SMAD2: variants seen among roughly 807,000 people sequenced by gnomAD.
SMAD2 encodes the protein SMAD family member 2.
SMAD2 carries 8 observed loss-of-function variants against 64.4 expected under a neutral mutation model. The observed-to-expected ratio is 0.12, with a 90% confidence interval of 0.07 to 0.22. The LOEUF is 0.22. Among genes scored for constraint, SMAD2 ranks in the 10% least tolerant of loss-of-function variants. The probability of loss-of-function intolerance (pLI) is 1.00; values close to 1 mark genes in which losing one functional copy is unlikely to be tolerated. For synonymous variants in SMAD2, 203 were observed against 195.8 expected, an observed-to-expected ratio of 1.04 and a Z score of -0.31; for missense variants, 289 against 561.2, an observed-to-expected ratio of 0.51 and a Z score of 4.90.
At chr18:47,883,932 G>A (rs2032750937) in intron 2 of SMAD2, among the ~76,000 whole-genome samples, 1 of 152,096 alleles carries the variant, frequency 6.6e-6, no homozygotes, top group South Asian at 2.1e-4. Flanking sequence ...CCTCGAATCT[G>A]GGCAAGCTGG....
intron 1 of SMAD2, among the ~76,000 whole-genome samples, chr18:47,915,149 G>T (rs1255256270): frequency 2.0e-5 from 3 of 152,088 alleles, no homozygotes; most frequent in African/African-American, 7.2e-5. Context: ...TCAGACATAA[G>T]AAATAAGATA....
At chr18:47,850,615 TTATATATTATA>T (rs1311577346) in intron 7 of SMAD2, among the ~76,000 whole-genome samples, 540 of 32,960 alleles carry the variant, frequency 0.016, 8 homozygotes, top group Non-Finnish European at 0.019. Context: ...ATAATATATA[TTATATATTATA>T]TATATATTAT....
intron 6 of SMAD2, among the ~76,000 whole-genome samples, chr18:47,854,193 A>T (rs151294995): frequency 1.3e-5 from 2 of 152,252 alleles, no homozygotes; most frequent in Admixed American, 1.3e-4. Flanking sequence ...TCCACTTAGA[A>T]TATTATAAAT....
chr18:47,930,433 T>A lies in SMAD2; in HGVS notation c.-126A>T, dbSNP rs190123098. The A allele has an allele frequency of 6.6e-6, 1 of 151,016 alleles. No individual in the cohort carries two copies. Among genetic ancestry groups the A allele is most frequent in the Admixed American group, 6.6e-5 (1 of 15,232 alleles). The allele number at this position is 151,016 out of a possible 1,614,324, so 9.4% of individuals were successfully genotyped here. A position where few individuals can be genotyped will look rare whatever the true frequency, so the allele number is the denominator to read the frequency against. On this transcript the variant is annotated 5_prime_UTR_variant, in exon 1 of 11. Transcript: ENST00000262160. ...GACCTTTTGTTCCTTCCTCTTCCGATGGGATGGAGGGGGCTGGGAGGGGAA... is the reference window on the plus strand; with the variant it reads ...GACCTTTTGTTCCTTCCTCTTCCGAAGGGATGGAGGGGGCTGGGAGGGGAA...
intron 1 of SMAD2, among the ~76,000 whole-genome samples, chr18:47,928,479 A>T (rs146202784): frequency 1.7e-4 from 26 of 152,374 alleles, no homozygotes; most frequent in African/African-American, 6.3e-4. Flanking sequence ...ATCTTGAAGT[A>T]GAATAGAAAC....
rs774277040 is a variant in SMAD2, at chr18:47,812,715, G to A, written c.*29112C>T. 2 of 152,130 alleles carry A rather than the reference G, an allele frequency of 1.3e-5. No individual in the cohort carries two copies. Among genetic ancestry groups the A allele is most frequent in the African/African-American group, 2.4e-5 (1 of 41,402 alleles). 9.4% of individuals were successfully genotyped at this position (152,130 alleles called of 1,614,324 possible). On this transcript the variant is annotated 3_prime_UTR_variant, in exon 11 of 11. Transcript: ENST00000262160. ...ATCAGAGCTCATAACTTAAGTGGTG[G>A]TAATCAAATCTAAAGCACATTTTAT...
Position 47,910,467 on chromosome 18 carries a change from A to C in SMAD2, c.-53-13658T>G, listed in dbSNP as rs1410050905. Among the ~76,000 whole-genome samples the C allele has an allele frequency of 3.3e-5, 5 of 152,250 alleles. No individual in the cohort carries two copies. The East Asian group carries it at 9.6e-4, about 29-fold the overall frequency. On this transcript the variant is annotated intron_variant, in intron 1 of 10. Coordinates refer to ENST00000262160, the MANE Select transcript of SMAD2 (RefSeq NM_005901.6). ...TCCATTACATGGGCACTGAAACTAA[A>C]GCAAAAGGTGTAAGGAGGACTGGTA... is the stretch of plus-strand genomic sequence containing the variant.
In SMAD2 at chr18:47,824,117, A is replaced by G. The variant is rs1169129259; in HGVS notation, c.*17710T>C. On this transcript the variant is annotated 3_prime_UTR_variant, in exon 11 of 11. Transcript: ENST00000262160. ...CCGGGAAAGGTCTATTCTGTCACCA[A>G]GGGACAATCAAAGCCTAACTACAAG... The G allele has an allele frequency of 6.6e-6, 1 of 152,248 alleles. No homozygotes were observed. The allele number at this position is 152,248 out of a possible 1,614,324, so 9.4% of individuals were successfully genotyped here. A position where few individuals can be genotyped will look rare whatever the true frequency, so the allele number is the denominator to read the frequency against.
chr18:47,854,058 T>G (rs2030420324), intron 6 of SMAD2, among the ~76,000 whole-genome samples: 2 of 150,056 alleles, frequency 1.3e-5, no homozygotes, highest in East Asian at 3.9e-4. Flanking sequence ...TTTAAAAACT[T>G]AAAATAAGCT....
chr18:47,809,016 C>T lies in SMAD2; in HGVS notation c.*32811G>A, dbSNP rs1912116245. ...AAACAGCACCTCAGGTGGTAGTCAACTAAGTAATTCCTGGCTGTTTTCTAC... is the reference window on the plus strand; with the variant it reads ...AAACAGCACCTCAGGTGGTAGTCAATTAAGTAATTCCTGGCTGTTTTCTAC... On this transcript the variant is annotated 3_prime_UTR_variant, in exon 11 of 11. Coordinates refer to ENST00000262160, the MANE Select transcript of SMAD2 (RefSeq NM_005901.6). 1 of 152,224 alleles carries T rather than the reference C, an allele frequency of 6.6e-6. No individual in the cohort carries two copies. The highest frequency in any genetic ancestry group is 6.5e-5 in the Admixed American group (1 of 15,284). The allele number at this position is 152,224 out of a possible 1,614,324, so 9.4% of individuals were successfully genotyped here. A position where few individuals can be genotyped will look rare whatever the true frequency, so the allele number is the denominator to read the frequency against.
intron 2 of SMAD2, among the ~76,000 whole-genome samples, chr18:47,879,916 T>C (rs539024835): frequency 3.5e-4 from 53 of 152,326 alleles, no homozygotes; most frequent in African/African-American, 9.9e-4. Flanking sequence ...GTGGTTTCAA[T>C]TGTCATTTTC....
rs1912974493 is a variant in SMAD2 at position 47,831,128 on chromosome 18, C to T, written c.*10699G>A. The T allele has an allele frequency of 6.6e-6, 1 of 152,228 alleles. No homozygotes were observed. The highest frequency in any genetic ancestry group is 6.5e-5 in the Admixed American group (1 of 15,278). The allele number at this position is 152,228 out of a possible 1,614,324, so 9.4% of individuals were successfully genotyped here. A position where few individuals can be genotyped will look rare whatever the true frequency, so the allele number is the denominator to read the frequency against. On this transcript the variant is annotated 3_prime_UTR_variant, in exon 11 of 11. Coordinates refer to ENST00000262160, the MANE Select transcript of SMAD2 (RefSeq NM_005901.6). ...ATGGAACCCAAACTATACAGCTATC[C>T]TTGGCTTTTAACTCCAAGCTATCTA...
intron 2 of SMAD2, among the ~76,000 whole-genome samples, chr18:47,877,824 A>C (rs1461381199): frequency 2.0e-5 from 3 of 152,182 alleles, no homozygotes; most frequent in Non-Finnish European, 4.4e-5. Flanking sequence ...TTCCTGAATA[A>C]AAATTGAAAA....
rs967591966 is a variant in SMAD2, at chr18:47,832,539, A to T, written c.*9288T>A. ...AAAGCATGTTTAAAATGGTTTGCAG[A>T]AAACAGTCTGCTAACCAGTACTGAT... On this transcript the variant is annotated 3_prime_UTR_variant, in exon 11 of 11. Transcript: ENST00000262160. 1 of 152,190 alleles carries T rather than the reference A, an allele frequency of 6.6e-6. No homozygotes were observed. Among genetic ancestry groups the T allele is most frequent in the East Asian group, 1.9e-4 (1 of 5,198 alleles). The allele number at this position is 152,190 out of a possible 1,614,324, so 9.4% of individuals were successfully genotyped here.
chr18:47,896,955 A>G, intron 1 of SMAD2, 146 bp from the exon 2 acceptor site: 1 of 706,826 alleles, frequency 1.4e-6, no homozygotes, highest in Admixed American at 2.5e-5. Context: ...TGAAAACGTT[A>G]TCTTTATGAA....
chr18:47,854,659 C>A (rs1171598890), intron 6 of SMAD2, among the ~76,000 whole-genome samples: 1 of 151,626 alleles, frequency 6.6e-6, no homozygotes, highest in African/African-American at 2.4e-5. Context: ...TAAAAAAAAT[C>A]TGTTATATCT....
At chr18:47,888,551 C>T (rs2033029295) in intron 2 of SMAD2, among the ~76,000 whole-genome samples, 1 of 152,170 alleles carries the variant, frequency 6.6e-6, no homozygotes, top group African/African-American at 2.4e-5. Flanking sequence ...GTCTAACAAG[C>T]TTTCAATCAA....
intron 1 of SMAD2, among the ~76,000 whole-genome samples, chr18:47,897,832 C>A (rs763181001): frequency 2.6e-5 from 4 of 152,086 alleles, no homozygotes; most frequent in Admixed American, 2.6e-4. Flanking sequence ...TTAGCTCTTA[C>A]GCTTTTCTTT....
intron 2 of SMAD2, among the ~76,000 whole-genome samples, chr18:47,877,706 A>C (rs111944822): frequency 0.017 from 2,614 of 152,210 alleles, 67 homozygotes; most frequent in African/African-American, 0.059. Flanking sequence ...CCCATATTTT[A>C]TTTGCAAAAT....
Sources: allele counts gnomAD v4.1 joint callset (sites outside exome capture counted in the v4.1 genomes callset), GRCh38; gene constraint gnomAD v4.1.1; transcripts MANE v1.5; gene names NCBI Gene and HGNC (gene_info 2026-07-23, HGNC 2026-07-21).